DDIAS: variants seen among roughly 807,000 people sequenced by gnomAD.
DDIAS encodes the protein DNA damage-induced apoptosis suppressor protein.
DDIAS carries 14 observed loss-of-function variants against 15.7 expected under a neutral mutation model. That is an observed-to-expected ratio of 0.89 (90% CI 0.59 to 1.39). The LOEUF (loss-of-function observed/expected upper bound fraction) is 1.39, where lower values mean the gene tolerates loss of function less well. Among genes scored for constraint, DDIAS ranks in the 40% most tolerant of loss-of-function variants. The pLI is 0.00. For missense variants in DDIAS, 1,035 were observed against 1,130.9 expected, an observed-to-expected ratio of 0.92 and a Z score of 1.22; for synonymous variants, 355 against 395.9, an observed-to-expected ratio of 0.90 and a Z score of 1.23.
At chr11:82,911,871 A>C (rs1174653316) in intron 1 of DDIAS, among the ~76,000 whole-genome samples, 1 of 152,244 alleles carries the variant, frequency 6.6e-6, no homozygotes, top group African/African-American at 2.4e-5. Flanking sequence ...TGGATGTGTT[A>C]ACAGGTATGA....
At chr11:82,913,894 T>C (rs866007116) in intron 2 of DDIAS, 2 of 425,154 alleles carry the variant, frequency 4.7e-6, no homozygotes, top group Non-Finnish European at 9.2e-6. Flanking sequence ...TTATGTTTTA[T>C]ATACATCTTA....
intron 1 of DDIAS, among the ~76,000 whole-genome samples, chr11:82,911,445 A>T (rs1294325128): frequency 6.7e-6 from 1 of 149,726 alleles, no homozygotes; most frequent in Non-Finnish European, 1.5e-5. Flanking sequence ...TCAAGAAACT[A>T]CTCTCTTTGT....
Position 82,932,651 on chromosome 11 carries a change from C to T in DDIAS, c.1313C>T (p.Ala438Val), listed in dbSNP as rs146221509. ...GAAAGTGAGATTGCTGTAACCCAGG[C>T]AGATGTCAGTAGTAGGAAACATCAT... ...VLESEIAVTQ[A>V]DVSSRKHHVD... Residue 438 changes from alanine to valine, a missense_variant, in exon 6 of 6, where the codon GCA becomes GTA. Coordinates refer to ENST00000533655, the MANE Select transcript of DDIAS (RefSeq NM_145018.4). 1.2e-6 allele frequency: 2 copies of T among 1,613,930 alleles called. No individual in the cohort carries two copies. The highest frequency in any genetic ancestry group is 1.7e-6 in the Non-Finnish European group (2 of 1,180,032).
Position 82,928,800 on chromosome 11 carries a change from C to T in DDIAS, c.137C>T (p.Ser46Phe), listed in dbSNP as rs1399725926. 1 of 1,613,510 alleles carries T rather than the reference C, an allele frequency of 6.2e-7. No individual in the cohort carries two copies. ...SKRSNCPKCG[S>F]TGESGNANYR... ...AGGTCTAATTGTCCAAAATGTGGCT[C>T]TACTGGTGAATCTGGAAATGCCAAT... Residue 46 changes from serine (S) to phenylalanine (F), a missense_variant, in exon 4 of 6, where the codon TCT becomes TTT. Physicochemically the swap from Ser to Phe is radical, Grantham distance 155. Coordinates refer to ENST00000533655, the MANE Select transcript of DDIAS (RefSeq NM_145018.4).
At chr11:82,929,709 A>G (rs2121364623) in intron 4 of DDIAS, among the ~76,000 whole-genome samples, 1 of 152,008 alleles carries the variant, frequency 6.6e-6, no homozygotes, top group African/African-American at 2.4e-5. Flanking sequence ...GTCTCAAAAA[A>G]AAAAAAAAAA....
At chr11:82,904,196 C>G (rs1343237596) in intron 1 of DDIAS, among the ~76,000 whole-genome samples, 1 of 152,208 alleles carries the variant, frequency 6.6e-6, no homozygotes, top group African/African-American at 2.4e-5. Flanking sequence ...CTTTTATGTT[C>G]TCTTCAGCCC....
intron 3 of DDIAS, chr11:82,922,642 G>A (rs892885946): frequency 2.8e-4 from 43 of 152,122 alleles, no homozygotes; most frequent in African/African-American, 9.4e-4. Context: ...CCTTGCGTCA[G>A]GCTTCGCTTT....
At position 82,931,808 on chromosome 11, in the gene DDIAS, C is replaced by CCAAAG; in HGVS notation, c.473_477dup (p.Leu160LysfsTer3). On this transcript the variant is annotated frameshift_variant, in exon 6 of 6. Coordinates refer to ENST00000533655, the MANE Select transcript of DDIAS (RefSeq NM_145018.4). LOFTEE classifies it low-confidence loss of function (END_TRUNC). ...CAATGCTCTGACCACAAAAGAAAAG[C>CCAAAG]CAAAGCACTAGTGGCTTGCCAGATT... 1 of 1,614,148 alleles carries CCAAAG rather than the reference C, an allele frequency of 6.2e-7. No homozygotes were observed. Among genetic ancestry groups the CCAAAG allele is most frequent in the South Asian group, 1.1e-5 (1 of 91,086 alleles).
intron 2 of DDIAS, chr11:82,914,061 T>G (rs1401611476): frequency 2.9e-6 from 1 of 346,426 alleles, no homozygotes; most frequent in Non-Finnish European, 5.5e-6. Context: ...CGCAGCCTCC[T>G]GAGTAGCTGG....
intron 3 of DDIAS, among the ~76,000 whole-genome samples, chr11:82,916,114 C>T (rs1860628496): frequency 6.6e-6 from 1 of 152,112 alleles, no homozygotes; most frequent in African/African-American, 2.4e-5. Flanking sequence ...TAGGCTCTGG[C>T]TCTCATTAAC....
intron 1 of DDIAS, among the ~76,000 whole-genome samples, chr11:82,902,981 AG>A (rs1329885074): frequency 6.6e-6 from 1 of 152,240 alleles, no homozygotes; most frequent in Admixed American, 6.5e-5. Flanking sequence ...GACCTTTCCA[AG>A]GAGTTGATAC....
intron 3 of DDIAS, among the ~76,000 whole-genome samples, chr11:82,927,425 A>G (rs1590810123): frequency 6.6e-6 from 1 of 152,206 alleles, no homozygotes; most frequent in East Asian, 1.9e-4. Flanking sequence ...CACAGATCTA[A>G]TAAAGGTGAG....
In DDIAS at chr11:82,918,813, GTTTTTTTTGTGTGGT is replaced by G. The variant is rs540385935; in HGVS notation, c.113+3976_113+3990del. Among the ~76,000 whole-genome samples, 409 of 150,996 alleles carry G rather than the reference GTTTTTTTTGTGTGGT, an allele frequency of 2.7e-3. 1 individual carries two copies. The highest frequency in any genetic ancestry group is 8.9e-3 in the African/African-American group (365 of 41,142). On this transcript the variant is annotated intron_variant, in intron 3 of 5. Coordinates refer to ENST00000533655, the MANE Select transcript of DDIAS (RefSeq NM_145018.4). ...CTTGGTTAGGTATCTTCCTAAATTT[GTTTTTTTTGTGTGGT>G]TTTTTTTTGTGTGTGTGTTTTTGTA...
chr11:82,918,386 G>GT (rs1465108767), intron 3 of DDIAS, among the ~76,000 whole-genome samples: 3 of 152,190 alleles, frequency 2.0e-5, no homozygotes, highest in Non-Finnish European at 4.4e-5. Flanking sequence ...TCAGTTGGCT[G>GT]TAAGTATTTG....
intron 3 of DDIAS, among the ~76,000 whole-genome samples, chr11:82,927,649 A>C (rs970108085): frequency 4.6e-5 from 7 of 152,140 alleles, no homozygotes; most frequent in African/African-American, 1.7e-4. Flanking sequence ...TTTTTAAACT[A>C]TTCTGTCTGT....
At chr11:82,918,478 T>C (rs529700350) in intron 3 of DDIAS, among the ~76,000 whole-genome samples, 1 of 152,388 alleles carries the variant, frequency 6.6e-6, no homozygotes, top group African/African-American at 2.4e-5. Context: ...TTGGTGACGA[T>C]GGCCTTATAG....
rs1190388546 is a variant in DDIAS, at chr11:82,933,946, C to CA, written c.2614dup (p.Ile872AsnfsTer25). 1.2e-6 allele frequency: 2 copies of CA among 1,611,436 alleles called. No individual in the cohort carries two copies. The highest frequency in any genetic ancestry group is 3.4e-5 in the Admixed American group (2 of 59,332). On this transcript the variant is annotated frameshift_variant, in exon 6 of 6. Transcript: ENST00000533655. LOFTEE classifies it low-confidence loss of function (END_TRUNC). Reference sequence around the variant, plus strand: ...TGATGAATGGGTCCCTCCTACCACACAAAAAATATTTCCTTCAGATATGCT... The same window carrying CA: ...TGATGAATGGGTCCCTCCTACCACACAAAAAAATATTTCCTTCAGATATGCT...
chr11:82,916,022 C>T (rs1565245399), intron 3 of DDIAS, among the ~76,000 whole-genome samples: 1 of 152,216 alleles, frequency 6.6e-6, no homozygotes, highest in Admixed American at 6.5e-5. Flanking sequence ...TCACAGTATC[C>T]AAGAACCTAT....
Position 82,933,514 on chromosome 11 carries a change from G to T in DDIAS, c.2176G>T (p.Asp726Tyr). 6.2e-7 allele frequency: 1 copy of T among 1,613,980 alleles called. No homozygotes were observed. The highest frequency in any genetic ancestry group is 1.1e-5 in the South Asian group (1 of 91,076). Residue 726 changes from aspartate to tyrosine, a missense_variant, in exon 6 of 6, where the codon GAC becomes TAC. By Grantham distance (160) the Asp-to-Tyr change is radical. Coordinates refer to ENST00000533655, the MANE Select transcript of DDIAS (RefSeq NM_145018.4). ...SDFSLRSLSEDFIQPSQKLSL... is the reference protein window; with the variant it reads ...SDFSLRSLSEYFIQPSQKLSL... ...TTTTTCACTGAGATCACTTTCTGAA[G>T]ACTTCATCCAGCCTTCACAAAAATT...
Sources: allele counts gnomAD v4.1 joint callset (sites outside exome capture counted in the v4.1 genomes callset), GRCh38; gene constraint gnomAD v4.1.1; transcripts MANE v1.5; gene names NCBI Gene and HGNC (gene_info 2026-07-23, HGNC 2026-07-21).